Variants in MUC3A observed in about 807,000 individuals in gnomAD.
The protein encoded by MUC3A is mucin 3A, cell surface associated, also known as mucin-3A.
Under a neutral mutation model 109.0 loss-of-function variants are expected in MUC3A, and 109 were observed. That is an observed-to-expected ratio of 1.00 (90% confidence interval 0.86 to 1.17). The LOEUF (loss-of-function observed/expected upper bound fraction) is 1.17, where lower values mean the gene tolerates loss of function less well. Among genes scored for constraint, MUC3A ranks in the 50% most tolerant of loss-of-function variants. The pLI, the probability that MUC3A is intolerant of heterozygous loss-of-function variation, is 0.00. For synonymous variants in MUC3A, 1,398 were observed against 981.4 expected, an observed-to-expected ratio of 1.42 and a Z score of -7.93; for missense variants, 3,537 against 2,469.4, an observed-to-expected ratio of 1.43 and a Z score of -9.16.
rs764194244 is a variant in MUC3A, at chr7:100,960,658, G to A, written c.8866+13G>A. On this transcript the variant is annotated intron_variant, in intron 2 of 11. Transcript: ENST00000379458. Reference sequence around the variant, plus strand: ...ACCACCACTGCAGGTTGGACCTTCTGCCTCTCTGTTCCCCTCCTTCCTCCC... The same window carrying A: ...ACCACCACTGCAGGTTGGACCTTCTACCTCTCTGTTCCCCTCCTTCCTCCC... 1 of 1,595,758 alleles carries A rather than the reference G, an allele frequency of 6.3e-7. No individual in the cohort carries two copies. Among genetic ancestry groups the A allele is most frequent in the Non-Finnish European group, 8.5e-7 (1 of 1,178,110 alleles).
Position 100,967,307 on chromosome 7 carries a change from C to A in MUC3A, c.*145C>A. On this transcript the variant is annotated 3_prime_UTR_variant, in exon 12 of 12. Coordinates refer to ENST00000379458, the MANE Select transcript of MUC3A (RefSeq NM_005960.2). ...CAAGATGAGACTGTTCCCCCAAATC[C>A]CATCCTTCTCCTTCCAACTTGGCTG... 7.6e-7 allele frequency: 1 copy of A among 1,316,552 alleles called. No homozygotes were observed. The highest frequency in any genetic ancestry group is 1.0e-6 in the Non-Finnish European group (1 of 963,782). The allele number at this position is 1,316,552 out of a possible 1,614,324, so 81.6% of individuals were successfully genotyped here.
intron 5 of MUC3A, 107 bp downstream of exon 5, chr7:100,963,859 G>T (rs893098552): frequency 6.7e-7 from 1 of 1,487,088 alleles, no homozygotes; most frequent in Non-Finnish European, 9.1e-7. Flanking sequence ...ATAAAGAGGG[G>T]TGGAGGGGGT....
chr7:100,963,906 G>A (rs187084715), intron 5 of MUC3A, 154 bp downstream of exon 5: 8,451 of 1,054,090 alleles, frequency 8.0e-3, no homozygotes, highest in Middle Eastern at 0.052. Flanking sequence ...TTTTCGGATC[G>A]TTTTCTGGGG....
rs1460638913 is a variant in MUC3A, at chr7:100,960,949, G to C, written c.9052+12G>C. 1 of 1,598,532 alleles carries C rather than the reference G, an allele frequency of 6.3e-7. No homozygotes were observed. Among genetic ancestry groups the C allele is most frequent in the Non-Finnish European group, 8.5e-7 (1 of 1,179,816 alleles). On this transcript the variant is annotated intron_variant, in intron 3 of 11. Coordinates refer to ENST00000379458, the MANE Select transcript of MUC3A (RefSeq NM_005960.2). ...ACAGGTGGATCTAGGTGAGTTGCCAGAGCTATGCCTTCTGCACTTCCTCCC... is the reference window on the plus strand; with the variant it reads ...ACAGGTGGATCTAGGTGAGTTGCCACAGCTATGCCTTCTGCACTTCCTCCC...
rs1408161114 is a variant in MUC3A, at chr7:100,966,956, G to A, written c.9930+5G>A. The stretch of plus-strand genomic sequence containing the variant: ...AACGTGGACACCACTATGAAGGTGA[G>A]GGGCTAAAGAGGGGGACCCCAAGGA... On this transcript the variant is annotated splice_donor_5th_base_variant and intron_variant, in intron 11 of 11. Coordinates refer to ENST00000379458, the MANE Select transcript of MUC3A (RefSeq NM_005960.2). 1.9e-6 allele frequency: 3 copies of A among 1,598,432 alleles called. No homozygotes were observed. The highest frequency in any genetic ancestry group is 2.5e-6 in the Non-Finnish European group (3 of 1,179,834).
rs112039162 is a variant in MUC3A at position 100,960,498 on chromosome 7, A to G, written c.8719A>G (p.Ser2907Gly). The G allele has an allele frequency of 0.025, 40,353 of 1,582,850 alleles. No individual in the cohort carries two copies. Among genetic ancestry groups the G allele is most frequent in the South Asian group, 0.16 (13,940 of 87,242 alleles). ...CCTCCCGACCATCCTGAGGACTTCA[A>G]GCAAGTCAACACACCCCTCCCCACC... ...SSLPTILRTS[S>G]KSTHPSPPTT... The change falls in exon 2 of 12, where the codon AGC becomes GGC. Residue 2907 changes from serine (S) to glycine (G), a missense_variant. Coordinates refer to ENST00000379458, the MANE Select transcript of MUC3A (RefSeq NM_005960.2).
intron 3 of MUC3A, among the ~76,000 whole-genome samples, chr7:100,962,468 T>C (rs4075283): frequency 0.12 from 13,027 of 105,678 alleles, no homozygotes; most frequent in East Asian, 0.25. Flanking sequence ...ATCTGCACCC[T>C]TGATCCTCCC....
chr7:100,954,709 C>G lies in MUC3A; in HGVS notation c.2930C>G (p.Pro977Arg), dbSNP rs955586231. 1 of 400,476 alleles carries G rather than the reference C, an allele frequency of 2.5e-6. No individual in the cohort carries two copies. Among genetic ancestry groups the G allele is most frequent in the Non-Finnish European group, 4.4e-6 (1 of 227,328 alleles). The allele number at this position is 400,476 out of a possible 1,614,324, so 24.8% of individuals were successfully genotyped here. A position where few individuals can be genotyped will look rare whatever the true frequency, so the allele number is the denominator to read the frequency against. Residue 977 changes from proline to arginine, a missense_variant, in exon 2 of 12, where the codon CCC becomes CGC. By Grantham distance (103) the Pro-to-Arg change is moderately radical. Transcript: ENST00000379458. ...STTGRGQTTF[P>R]SSTATFPETT... ...ACAGGCAGAGGTCAGACCACCTTTC[C>G]CAGCTCTACAGCCACATTCCCTGAG...
Position 100,960,486 on chromosome 7 carries a change from C to G in MUC3A, c.8707C>G (p.Leu2903Val). 2 of 1,598,678 alleles carry G rather than the reference C, an allele frequency of 1.3e-6. No homozygotes were observed. Among genetic ancestry groups the G allele is most frequent in the Non-Finnish European group, 1.7e-6 (2 of 1,179,818 alleles). ...MKPSSSLPTI[L>V]RTSSKSTHPS... ...ACCAAGCAGTAGCCTCCCGACCATC[C>G]TGAGGACTTCAAGCAAGTCAACACA... Residue 2903 changes from leucine to valine, a missense_variant, in exon 2 of 12, where the codon CTG (leucine) becomes GTG (valine). Physicochemically the swap from Leu to Val is conservative, Grantham distance 32. Coordinates refer to ENST00000379458, the MANE Select transcript of MUC3A (RefSeq NM_005960.2).
In MUC3A at chr7:100,965,747, C is replaced by G; in HGVS notation, c.9492C>G (p.Tyr3164Ter). 1 of 1,598,432 alleles carries G rather than the reference C, an allele frequency of 6.3e-7. No homozygotes were observed. Among genetic ancestry groups the G allele is most frequent in the Non-Finnish European group, 8.5e-7 (1 of 1,179,778 alleles). ...RAAPTGYEEF[Y>*]FPLVEATRLR... ...CTCCCACGGGCTATGAAGAGTTCTA[C>G]TTCCCCTTGGTGGAGGCCACCCGGC... is the stretch of plus-strand genomic sequence containing the variant. Residue 3164 changes from tyrosine (Y) to a stop codon, truncating the protein, a stop_gained, in exon 8 of 12, where the codon TAC becomes TAG. Coordinates refer to ENST00000379458, the MANE Select transcript of MUC3A (RefSeq NM_005960.2). LOFTEE classifies it high-confidence loss of function.
rs1792636344 is a variant in MUC3A, at chr7:100,967,382, CTT to C, written c.*221_*222del. 1.4e-6 allele frequency: 1 copy of C among 702,678 alleles called. No homozygotes were observed. The highest frequency in any genetic ancestry group is 2.3e-6 in the Non-Finnish European group (1 of 429,798). 43.5% of individuals were successfully genotyped at this position (702,678 alleles called of 1,614,324 possible). A position where few individuals can be genotyped will look rare whatever the true frequency, so the allele number is the denominator to read the frequency against. On this transcript the variant is annotated 3_prime_UTR_variant, in exon 12 of 12. Transcript: ENST00000379458. Reference sequence around the variant, plus strand: ...CGTCCAGGCTCTTCCACTGTGGAATCTTGGGCAAGTCAGTAACGAGCCTCAGT... The same window carrying C: ...CGTCCAGGCTCTTCCACTGTGGAATCGGGCAAGTCAGTAACGAGCCTCAGT...
chr7:100,965,684 T>C lies in MUC3A; in HGVS notation c.9449-20T>C, dbSNP rs778658242. ...TGGATGAGGTCCTTGTCTCTGTGCATCCCCCTCCCCAACCCCCAGCCATCT... is the reference window on the plus strand; with the variant it reads ...TGGATGAGGTCCTTGTCTCTGTGCACCCCCCTCCCCAACCCCCAGCCATCT... On this transcript the variant is annotated intron_variant, in intron 7 of 11. Coordinates refer to ENST00000379458, the MANE Select transcript of MUC3A (RefSeq NM_005960.2). 2.6e-5 allele frequency: 41 copies of C among 1,592,438 alleles called. No homozygotes were observed. Among genetic ancestry groups the C allele is most frequent in the Admixed American group, 3.4e-5 (2 of 59,604 alleles).
chr7:100,967,630 T>C lies in MUC3A; in HGVS notation c.*468T>C, dbSNP rs1408037609. On this transcript the variant is annotated 3_prime_UTR_variant, in exon 12 of 12. Coordinates refer to ENST00000379458, the MANE Select transcript of MUC3A (RefSeq NM_005960.2). ...AATTCCCTACTGCCTGTTTCTTACT[T>C]TGAACCTGGAGGCAGCCTGCAGCCC... 3 of 267,630 alleles carry C rather than the reference T, an allele frequency of 1.1e-5. No individual in the cohort carries two copies. The highest frequency in any genetic ancestry group is 8.8e-5 in the East Asian group (1 of 11,356). 16.6% of individuals were successfully genotyped at this position (267,630 alleles called of 1,614,324 possible).
chr7:100,960,082 C>G lies in MUC3A; in HGVS notation c.8303C>G (p.Pro2768Arg). 19 of 1,517,524 alleles carry G rather than the reference C, an allele frequency of 1.3e-5. No individual in the cohort carries two copies. Among genetic ancestry groups the G allele is most frequent in the Non-Finnish European group, 1.4e-5 (16 of 1,142,570 alleles). The allele number at this position is 1,517,524 out of a possible 1,614,324, so 94.0% of individuals were successfully genotyped here. A position where few individuals can be genotyped will look rare whatever the true frequency, so the allele number is the denominator to read the frequency against. ...FSYISLPSTT[P>R]CPGTITITIV... ...TATATTTCCCTTCCCTCCACCACACCCTGTCCAGGAACTATAACAATTACC... is the reference window on the plus strand; with the variant it reads ...TATATTTCCCTTCCCTCCACCACACGCTGTCCAGGAACTATAACAATTACC... The change falls in exon 2 of 12, where the codon CCC becomes CGC. Residue 2768 changes from proline (P) to arginine (R), a missense_variant. Physicochemically the swap from Pro to Arg is moderately radical, Grantham distance 103 (BLOSUM62 -2). Transcript: ENST00000379458.
At position 100,960,833 on chromosome 7, in the gene MUC3A, AG is replaced by A; in HGVS notation, c.8949del (p.Thr2984ProfsTer34). On this transcript the variant is annotated frameshift_variant, in exon 3 of 12. Transcript: ENST00000379458. LOFTEE classifies it high-confidence loss of function. ...PGFSGDRCQL[Q>X]TRCQNGGQWD... is the part of the protein sequence containing the mutation. ...TTTTCTGGGGACCGCTGTCAGCTCC[AG>A]ACCAGATGCCAGAATGGGGGTCAGT... 6.3e-7 allele frequency: 1 copy of A among 1,598,534 alleles called. No homozygotes were observed.
At position 100,957,416 on chromosome 7, in the gene MUC3A, C is replaced by A; in HGVS notation, c.5637C>A (p.Leu1879=). ...VTSLRPTSSS[L]LTTVTATVPT... ...CTCTTCGACCCACCTCTTCCTCTCT[C>A]CTCACCACAGTAACAGCCACAGTTC... The change falls in exon 2 of 12, where the codon CTC becomes CTA. Residue 1879 remains leucine (L), a synonymous_variant. Transcript: ENST00000379458. The A allele has an allele frequency of 1.0e-6, 1 of 981,340 alleles. No homozygotes were observed. Among genetic ancestry groups the A allele is most frequent in the Non-Finnish European group, 1.5e-6 (1 of 652,336 alleles). The allele number at this position is 981,340 out of a possible 1,614,324, so 60.8% of individuals were successfully genotyped here.
In MUC3A at chr7:100,959,986, C is replaced by T; in HGVS notation, c.8207C>T (p.Ser2736Phe). ...ACAGGCTTTCCTAGTCTCTCTTCCT[C>T]TGCAACTACCAGCACTTCTTCAACC... ...SITGFPSLSSSATTSTSSTSS... is the reference protein window; with the variant it reads ...SITGFPSLSSFATTSTSSTSS... The change falls in exon 2 of 12, where the codon TCT becomes TTT. Residue 2736 changes from serine (S) to phenylalanine (F), a missense_variant. Transcript: ENST00000379458. 6.6e-7 allele frequency: 1 copy of T among 1,507,758 alleles called. No individual in the cohort carries two copies. Among genetic ancestry groups the T allele is most frequent in the Middle Eastern group, 1.8e-4 (1 of 5,626 alleles). 93.4% of individuals were successfully genotyped at this position (1,507,758 alleles called of 1,614,324 possible). A position where few individuals can be genotyped will look rare whatever the true frequency, so the allele number is the denominator to read the frequency against.
At chr7:100,966,224 G>T (rs73183038) in intron 8 of MUC3A, 162 bp from the exon 9 acceptor site, 3 of 501,126 alleles carry the variant, frequency 6.0e-6, no homozygotes, top group Non-Finnish European at 9.3e-6. Context: ...TAGAGCCCCG[G>T]CCCCTCGTTC....
Position 100,957,837 on chromosome 7 carries a change from T to C in MUC3A, c.6058T>C (p.Ser2020Pro). Residue 2020 changes from serine (S) to proline (P), a missense_variant, in exon 2 of 12, where the codon TCC (serine) becomes CCC (proline). Transcript: ENST00000379458. ...TSSITTTETT[S>P]HNTPSLTSSI... ...TTCCATCACCACCACTGAGACCACATCCCACAATACTCCCAGCTTGACTTC... is the reference window on the plus strand; with the variant it reads ...TTCCATCACCACCACTGAGACCACACCCCACAATACTCCCAGCTTGACTTC... 1.3e-6 allele frequency: 1 copy of C among 790,468 alleles called. No individual in the cohort carries two copies. Among genetic ancestry groups the C allele is most frequent in the Non-Finnish European group, 2.2e-6 (1 of 451,858 alleles). 49.0% of individuals were successfully genotyped at this position (790,468 alleles called of 1,614,324 possible). A position where few individuals can be genotyped will look rare whatever the true frequency, so the allele number is the denominator to read the frequency against.
Sources: gnomAD v4.1 joint callset for allele counts (sites outside exome capture counted in the v4.1 genomes callset) on GRCh38, gnomAD v4.1.1 for gene constraint, MANE v1.5 for transcripts, NCBI Gene and HGNC (gene_info 2026-07-23, HGNC 2026-07-21) for gene names.